PCDHA4: variants seen among roughly 807,000 people sequenced by gnomAD.
PCDHA4 encodes the protein protocadherin alpha 4, also known as protocadherin alpha-4.
Under a neutral mutation model 61.4 loss-of-function variants are expected in PCDHA4, and 49 were observed. The ratio of observed to expected loss-of-function variants is 0.80; its 90% CI spans 0.63 to 1.01. The LOEUF (loss-of-function observed/expected upper bound fraction) is 1.01. Ranked by LOEUF, PCDHA4 falls within the 50% of genes least tolerant of loss-of-function variation. The probability of loss-of-function intolerance (pLI) is 0.00; values close to 1 mark genes in which losing one functional copy is unlikely to be tolerated. For synonymous variants in PCDHA4, 590 were observed against 550.3 expected (o/e 1.07, Z -1.01); for missense variants, 1,254 against 1,235.8 (o/e 1.01, Z -0.22).
intron 1 of PCDHA4, among the ~76,000 whole-genome samples, chr5:140,932,861 G>A (rs1554209099): frequency 6.6e-6 from 1 of 151,858 alleles, no homozygotes; most frequent in Non-Finnish European, 1.5e-5. Flanking sequence ...ATGACTTATT[G>A]TCTTTTGTTG....
intron 1 of PCDHA4, among the ~76,000 whole-genome samples, chr5:140,953,382 G>A (rs1554220887): frequency 6.6e-6 from 1 of 152,142 alleles, no homozygotes; most frequent in Admixed American, 6.6e-5. Context: ...ACCCCTCTCA[G>A]TTGTGGATTA....
chr5:140,845,214 TA>T (rs1253125305), intron 1 of PCDHA4, among the ~76,000 whole-genome samples: 2 of 149,518 alleles, frequency 1.3e-5, no homozygotes, highest in South Asian at 2.1e-4. Flanking sequence ...TAAGTCCTTT[TA>T]AAAAATATGA....
Position 140,853,518 on chromosome 5 carries a change from C to A in PCDHA4, c.2385+43946C>A. On this transcript the variant is annotated intron_variant, in intron 1 of 3. Coordinates refer to ENST00000530339, the MANE Select transcript of PCDHA4 (RefSeq NM_018907.4). ...AGAATCATGAAACAATAATGAAGCT[C>A]CTCCTATGTCTCTTTTCAAGTTGTA... 2.0e-6 allele frequency: 2 copies of A among 976,172 alleles called. 1 individual carries two copies. 60.5% of individuals were successfully genotyped at this position (976,172 alleles called of 1,614,324 possible).
At position 140,849,809 on chromosome 5, in the gene PCDHA4, G is replaced by T. The variant is rs147465571; in HGVS notation, c.2385+40237G>T. 1.1e-3 allele frequency: 1,794 copies of T among 1,598,496 alleles called. 170 individuals are homozygous for T. The highest frequency in any genetic ancestry group is 1.4e-3 in the Non-Finnish European group (1,689 of 1,167,928). On this transcript the variant is annotated intron_variant, in intron 1 of 3. Transcript: ENST00000530339. ...GGGGCTCGCCTTCACTGTGGGCCACGGCCAGGGTGTCTGTGGAGGTGGCCG... is the reference window on the plus strand; with the variant it reads ...GGGGCTCGCCTTCACTGTGGGCCACTGCCAGGGTGTCTGTGGAGGTGGCCG...
intron 1 of PCDHA4, chr5:140,842,511 T>G: frequency 6.2e-7 from 1 of 1,613,722 alleles, no homozygotes; most frequent in Non-Finnish European, 8.5e-7. Flanking sequence ...CCCTTCAAGC[T>G]GGTGTCCACC....
chr5:140,868,980 G>A (rs2050777662), intron 1 of PCDHA4: 2 of 1,489,988 alleles, frequency 1.3e-6, no homozygotes, highest in South Asian at 2.8e-5. Flanking sequence ...CCATCATACC[G>A]GATGCCACCG....
At chr5:140,872,957 C>T (rs2054004795) in intron 1 of PCDHA4, among the ~76,000 whole-genome samples, 1 of 152,138 alleles carries the variant, frequency 6.6e-6, no homozygotes, top group African/African-American at 2.4e-5. Flanking sequence ...CACGTAGTAT[C>T]ATCCCATCTG....
intron 1 of PCDHA4, chr5:140,857,523 C>T: frequency 1.9e-6 from 3 of 1,597,998 alleles, no homozygotes; most frequent in South Asian, 2.2e-5. Flanking sequence ...GTGTCCTACT[C>T]TCTGGTGGAG....
At chr5:140,811,529 TG>T (rs1172888039) in intron 1 of PCDHA4, 1 of 152,210 alleles carries the variant, frequency 6.6e-6, no homozygotes, top group Non-Finnish European at 1.5e-5. Flanking sequence ...TACCCAGTAA[TG>T]GGTCAAATGG....
intron 1 of PCDHA4, chr5:140,967,312 A>G (rs1554229425): frequency 5.0e-6 from 8 of 1,611,226 alleles, no homozygotes; most frequent in Admixed American, 1.7e-5. Context: ...CCAACTCAGT[A>G]CAGACCTACG....
In PCDHA4 at chr5:140,835,236, G is replaced by A. The variant is rs1307272356; in HGVS notation, c.2385+25664G>A. The A allele has an allele frequency of 6.9e-6, 11 of 1,599,722 alleles. 1 individual carries two copies. The highest frequency in any genetic ancestry group is 9.4e-6 in the Non-Finnish European group (11 of 1,173,316). On this transcript the variant is annotated intron_variant, in intron 1 of 3. Coordinates refer to ENST00000530339, the MANE Select transcript of PCDHA4 (RefSeq NM_018907.4). The stretch of plus-strand genomic sequence containing the variant: ...TATTATTTACTCCTTCTCCAGTGAT[G>A]TTTCTCCAGATATAAAATCCAAGTT...
chr5:140,977,482 A>G lies in PCDHA4; in HGVS notation c.2386-1467A>G, dbSNP rs3776112. ...TTTGGTCTGTAGATAATTTTATGCTATGTTATATGGAATATCCACAGCATT... is the reference window on the plus strand; with the variant it reads ...TTTGGTCTGTAGATAATTTTATGCTGTGTTATATGGAATATCCACAGCATT... On this transcript the variant is annotated intron_variant, in intron 1 of 3. Coordinates refer to ENST00000530339, the MANE Select transcript of PCDHA4 (RefSeq NM_018907.4). Among the ~76,000 whole-genome samples the G allele has an allele frequency of 3.0e-4, 46 of 152,350 alleles. No homozygotes were observed. The East Asian group carries it at 5.4e-3, about 18-fold the overall frequency.
At chr5:140,902,514 T>C (rs1288692863) in intron 1 of PCDHA4, among the ~76,000 whole-genome samples, 1 of 152,128 alleles carries the variant, frequency 6.6e-6, no homozygotes, top group Non-Finnish European at 1.5e-5. Flanking sequence ...CTGTCATATA[T>C]GGTTTTTATT....
At chr5:140,876,581 C>A in intron 1 of PCDHA4, 2 of 1,614,200 alleles carry the variant, frequency 1.2e-6, no homozygotes, top group Non-Finnish European at 1.7e-6. Flanking sequence ...ACCGTCATTG[C>A]CCTGATTAGC....
intron 1 of PCDHA4, among the ~76,000 whole-genome samples, chr5:140,844,861 A>G (rs1302890779): frequency 2.7e-5 from 4 of 149,288 alleles, no homozygotes; most frequent in African/African-American, 4.9e-5. Flanking sequence ...ACCTGCCTGG[A>G]TATTAAATAC....
intron 1 of PCDHA4, chr5:140,821,828 T>A: frequency 6.2e-7 from 1 of 1,614,176 alleles, no homozygotes; most frequent in African/African-American, 1.3e-5. Flanking sequence ...CTGCTCTGGC[T>A]TCTCCTTGCC....
At chr5:140,911,168 T>C (rs1315264734) in intron 1 of PCDHA4, among the ~76,000 whole-genome samples, 1 of 152,190 alleles carries the variant, frequency 6.6e-6, no homozygotes, top group Non-Finnish European at 1.5e-5. Context: ...GTGGAAAGGC[T>C]GATGGCAGTG....
At position 140,807,734 on chromosome 5, in the gene PCDHA4, C is replaced by A. The variant is rs1764019669; in HGVS notation, c.547C>A (p.Pro183Thr). ...SPNEYFSLEK[P>T]PDDELVKGLG... The stretch of plus-strand genomic sequence containing the variant: ...AAATGAATACTTTTCTCTGGAAAAA[C>A]CACCTGATGACGAGCTGGTAAAAGG... The change falls in exon 1 of 4, where the codon CCA becomes ACA. Residue 183 changes from proline (P) to threonine (T), a missense_variant. Pro to Thr is a conservative substitution (Grantham distance 38). Coordinates refer to ENST00000530339, the MANE Select transcript of PCDHA4 (RefSeq NM_018907.4). 6.2e-7 allele frequency: 1 copy of A among 1,614,190 alleles called. No individual in the cohort carries two copies. The highest frequency in any genetic ancestry group is 1.1e-5 in the South Asian group (1 of 91,086).
intron 3 of PCDHA4, among the ~76,000 whole-genome samples, chr5:140,999,702 T>A (rs78322991): frequency 6.6e-6 from 1 of 152,136 alleles, no homozygotes; most frequent in South Asian, 2.1e-4. Context: ...GATTTTTTTT[T>A]AGCTAACTAC....
Sources: allele counts gnomAD v4.1 joint callset (sites outside exome capture counted in the v4.1 genomes callset), GRCh38; gene constraint gnomAD v4.1.1; transcripts MANE v1.5; gene names NCBI Gene and HGNC (gene_info 2026-07-23, HGNC 2026-07-21).